USH1C: variants seen among roughly 807,000 people sequenced by gnomAD.
USH1C encodes the protein USH1 protein network component harmonin, also known as harmonin.
A neutral mutation model predicts 119.3 loss-of-function variants in USH1C; 90 were observed. That is an observed-to-expected ratio of 0.75 (90% confidence interval 0.64 to 0.90). The LOEUF (loss-of-function observed/expected upper bound fraction) is 0.90. USH1C is among the 40% of genes least tolerant of loss of function. USH1C has a pLI of 0.00. For missense variants in USH1C, 1,165 were observed against 1,167.7 expected, an observed-to-expected ratio of 1.00 and a Z score of 0.03; for synonymous variants, 465 against 443.3, an observed-to-expected ratio of 1.05 and a Z score of -0.62.
intron 16 of USH1C, 91 bp from the exon 17 acceptor site, chr11:17,510,612 A>C: frequency 8.2e-6 from 8 of 977,774 alleles, no homozygotes; most frequent in Non-Finnish European, 1.3e-5. Flanking sequence ...CTCCTTTAGA[A>C]ACTCCAGAGT....
At chr11:17,525,296 ATTTAC>A (rs1252122696) in intron 8 of USH1C, among the ~76,000 whole-genome samples, 1 of 152,146 alleles carries the variant, frequency 6.6e-6, no homozygotes, top group African/African-American at 2.4e-5. Context: ...TATTATAACT[ATTTAC>A]TTGGTTGGCT....
chr11:17,512,572 A>T (rs537017770), intron 15 of USH1C, among the ~76,000 whole-genome samples: 26 of 152,342 alleles, frequency 1.7e-4, no homozygotes, highest in African/African-American at 6.3e-4. Flanking sequence ...GGGAGATTCC[A>T]GAGAAAATCT....
chr11:17,544,157 C>G (rs1851597753), intron 1 of USH1C, 115 bp downstream of exon 1: 1 of 1,425,318 alleles, frequency 7.0e-7, no homozygotes, highest in Admixed American at 1.7e-5. Flanking sequence ...CCAGCCCAAC[C>G]AGAGCCATCA....
chr11:17,495,120 T>C, intron 26 of USH1C: 1 of 241,380 alleles, frequency 4.1e-6, no homozygotes, highest in Non-Finnish European at 8.3e-6. Flanking sequence ...TCCCAGGAGG[T>C]TGGCATTCAC....
At chr11:17,514,017 T>C (rs149288901) in intron 15 of USH1C, among the ~76,000 whole-genome samples, 6 of 152,164 alleles carry the variant, frequency 3.9e-5, no homozygotes, top group African/African-American at 1.4e-4. Context: ...TGTGTGAATC[T>C]GCCTTCCCTG....
Position 17,531,137 on chromosome 11 carries a change from G to A in USH1C, c.387+17C>T, listed in dbSNP as rs78718533. On this transcript the variant is annotated intron_variant, in intron 4 of 26. Transcript: ENST00000005226. This position sits in a 1 kb window ranked among gnomAD's most constrained non-coding sequence, Gnocchi z 4.2. Reference sequence around the variant, plus strand: ...CCGAGGCCCTCGCTCCCCCTCCCCCGGACTCTGTTTGCTCACCTGGAGCCC... The same window carrying A: ...CCGAGGCCCTCGCTCCCCCTCCCCCAGACTCTGTTTGCTCACCTGGAGCCC... The A allele has an allele frequency of 1.8e-3, 2,844 of 1,613,888 alleles. 54 individuals carry two copies. In the African/African-American group the frequency reaches 0.033, roughly 19 times the overall value.
intron 25 of USH1C, among the ~76,000 whole-genome samples, chr11:17,496,500 C>G (rs1004616436): frequency 6.6e-6 from 1 of 152,176 alleles, no homozygotes; most frequent in Non-Finnish European, 1.5e-5. Flanking sequence ...TCTGCTTACC[C>G]GGTCTAAGAC....
chr11:17,521,188 G>T (rs1850396974), intron 13 of USH1C, among the ~76,000 whole-genome samples, 158 bp downstream of exon 13: 2 of 152,174 alleles, frequency 1.3e-5, no homozygotes, highest in Admixed American at 6.5e-5. Flanking sequence ...CTATGTTTCA[G>T]TTACTATAAT....
chr11:17,509,310 C>T (rs767058328), intron 18 of USH1C, 46 bp downstream of exon 18: 4 of 1,522,746 alleles, frequency 2.6e-6, no homozygotes, highest in East Asian at 2.3e-5. Flanking sequence ...GCAGTTCTCC[C>T]CACTCTTCCT....
chr11:17,527,061 G>T (rs1850717606), intron 5 of USH1C, 21 bp from the exon 6 acceptor site: 2 of 1,550,856 alleles, frequency 1.3e-6, no homozygotes, highest in African/African-American at 1.4e-5. Flanking sequence ...AAGGCACAGG[G>T]GTTAGGACAG....
chr11:17,542,760 A>T (rs977000363), intron 1 of USH1C, among the ~76,000 whole-genome samples: 41 of 148,824 alleles, frequency 2.8e-4, no homozygotes, highest in Admixed American at 1.1e-3. Context: ...AGCTCCTTCA[A>T]ACTGGGTTGC....
intron 1 of USH1C, among the ~76,000 whole-genome samples, chr11:17,542,767 T>C (rs577007425): frequency 6.7e-6 from 1 of 149,784 alleles, no homozygotes; most frequent in East Asian, 2.0e-4. Flanking sequence ...TCAAACTGGG[T>C]TGCCTGAAAT....
chr11:17,496,152 G>C (rs1301899598), intron 25 of USH1C, among the ~76,000 whole-genome samples: 1 of 151,950 alleles, frequency 6.6e-6, no homozygotes, highest in Non-Finnish European at 1.5e-5. Context: ...GAGGGGGGCA[G>C]ATAAGATGTT....
intron 1 of USH1C, among the ~76,000 whole-genome samples, chr11:17,534,940 T>A (rs1592032032): frequency 6.7e-6 from 1 of 148,474 alleles, no homozygotes; most frequent in African/African-American, 2.5e-5. Context: ...GAGTGGGTGG[T>A]ACTAAATCTT....
intron 15 of USH1C, among the ~76,000 whole-genome samples, chr11:17,512,706 A>G (rs965446434): frequency 7.9e-5 from 12 of 152,118 alleles, no homozygotes; most frequent in African/African-American, 2.9e-4. Flanking sequence ...TAAGCTCTGG[A>G]CCATTTCACC....
chr11:17,529,429 C>T (rs542533882), intron 4 of USH1C, among the ~76,000 whole-genome samples: 1 of 152,360 alleles, frequency 6.6e-6, no homozygotes, highest in South Asian at 2.1e-4. Context: ...CAGCACAGGT[C>T]TTTAGCCCAG....
At chr11:17,501,673 C>T in intron 21 of USH1C, 138 bp from the exon 22 acceptor site, 1 of 1,068,532 alleles carries the variant, frequency 9.4e-7, no homozygotes, top group Non-Finnish European at 1.4e-6. Context: ...TGCCCAGCCC[C>T]ACCCCTACTG....
intron 14 of USH1C, among the ~76,000 whole-genome samples, chr11:17,518,798 T>G (rs886732315): frequency 1.3e-5 from 2 of 152,080 alleles, no homozygotes; most frequent in Non-Finnish European, 2.9e-5. Flanking sequence ...GACGGGCAGA[T>G]CACCTGAGGC....
chr11:17,493,936 A>G lies in USH1C; in HGVS notation c.*396T>C, dbSNP rs1026731277. 3.4e-6 allele frequency: 1 copy of G among 295,446 alleles called. No individual in the cohort carries two copies. Among genetic ancestry groups the G allele is most frequent in the African/African-American group, 2.1e-5 (1 of 47,050 alleles). The allele number at this position is 295,446 out of a possible 1,614,324, so 18.3% of individuals were successfully genotyped here. A position where few individuals can be genotyped will look rare whatever the true frequency, so the allele number is the denominator to read the frequency against. On this transcript the variant is annotated 3_prime_UTR_variant, in exon 27 of 27. Coordinates refer to ENST00000005226, the MANE Select transcript of USH1C (RefSeq NM_153676.4). ...TCTATTTTATTAATGAGCTCAGAGT[A>G]AGGTTTGGAGTGACAATCCTGGCAG...
Sources: gnomAD v4.1 joint callset for allele counts (sites outside exome capture counted in the v4.1 genomes callset) on GRCh38, gnomAD v4.1.1 for gene constraint, Gnocchi (gnomAD v3.1) non-coding constraint, MANE v1.5 for transcripts, NCBI Gene and HGNC (gene_info 2026-07-23, HGNC 2026-07-21) for gene names.